Variants in LSAMP observed in about 807,000 individuals in gnomAD.
LSAMP encodes the protein limbic system-associated membrane protein.
LSAMP carries 7 observed loss-of-function variants against 38.6 expected under a neutral mutation model. The ratio of observed to expected loss-of-function variants is 0.18; its 90% CI spans 0.10 to 0.34. LSAMP has a LOEUF of 0.34. Ranked by LOEUF, LSAMP falls within the 10% of genes least tolerant of loss-of-function variation. The pLI, the probability that LSAMP is intolerant of heterozygous loss-of-function variation, is 1.00. For synonymous variants in LSAMP, 154 were observed against 166.8 expected (o/e 0.92, Z 0.59); for missense variants, 313 against 420.0 (o/e 0.75, Z 2.23).
chr3:115,820,837 A>G (rs879529084), intron 6 of LSAMP, among the ~76,000 whole-genome samples: 6 of 152,214 alleles, frequency 3.9e-5, no homozygotes, highest in East Asian at 3.8e-4. Context: ...TTTTCTTTTT[A>G]GAACCACGGT....
At chr3:115,887,191 T>C (rs1936476632) in intron 3 of LSAMP, among the ~76,000 whole-genome samples, 1 of 151,932 alleles carries the variant, frequency 6.6e-6, no homozygotes. Flanking sequence ...AAGTGACTCT[T>C]AATACTTTCT....
chr3:116,326,656 C>A (rs151117233), intron 1 of LSAMP, among the ~76,000 whole-genome samples: 12 of 152,134 alleles, frequency 7.9e-5, no homozygotes, highest in Non-Finnish European at 8.8e-5. Context: ...CAGTTGATAC[C>A]ATTTTTCTCA....
At position 115,803,370 on chromosome 3, in the gene LSAMP, A is replaced by G. The variant is rs923523921; in HGVS notation, c.*6947T>C. Reference sequence around the variant, plus strand: ...CTGATGCCTTCTGTTCTTTCAGACAATAAAATCAAAGGACAACTTTGGATA... The same window carrying G: ...CTGATGCCTTCTGTTCTTTCAGACAGTAAAATCAAAGGACAACTTTGGATA... On this transcript the variant is annotated 3_prime_UTR_variant, in exon 7 of 7. Coordinates refer to ENST00000490035, the MANE Select transcript of LSAMP (RefSeq NM_002338.5). 1 of 152,228 alleles carries G rather than the reference A, an allele frequency of 6.6e-6. No individual in the cohort carries two copies. The allele number at this position is 152,228 out of a possible 1,614,324, so 9.4% of individuals were successfully genotyped here.
Position 115,838,728 on chromosome 3 carries a change from G to A in LSAMP, c.919+3117C>T, listed in dbSNP as rs550040929. The stretch of plus-strand genomic sequence containing the variant: ...AGGAAAAATTTACTATGAATACAAT[G>A]TATTCTTACACCCTCATTCCATGAT... On this transcript the variant is annotated intron_variant, in intron 6 of 6. Transcript: ENST00000490035. Among the ~76,000 whole-genome samples, 17 of 152,284 alleles carry A rather than the reference G, an allele frequency of 1.1e-4. No individual in the cohort carries two copies. In the South Asian group the frequency reaches 2.7e-3, roughly 24 times the overall value.
chr3:116,290,762 AATAATAATAAT>A (rs2047255564), intron 1 of LSAMP, among the ~76,000 whole-genome samples: 11 of 148,420 alleles, frequency 7.4e-5, no homozygotes, highest in African/African-American at 1.2e-4. Flanking sequence ...TAATAATAAT[AATAATAATAAT>A]AAAATAAACT....
chr3:115,881,036 A>AT (rs1936307542), intron 3 of LSAMP, among the ~76,000 whole-genome samples: 1 of 147,954 alleles, frequency 6.8e-6, no homozygotes, highest in South Asian at 2.1e-4. Context: ...ACTCTGTCTC[A>AT]AAAATAAATA....
At position 116,298,544 on chromosome 3, in the gene LSAMP, G is replaced by T. The variant is rs551157441; in HGVS notation, c.155+146333C>A. On this transcript the variant is annotated intron_variant, in intron 1 of 6. Coordinates refer to ENST00000490035, the MANE Select transcript of LSAMP (RefSeq NM_002338.5). ...GGATCTTGGACAATATTGTTCAGTAGAAAATGTATTTCTGTGGTCTCTTAT... is the reference window on the plus strand; with the variant it reads ...GGATCTTGGACAATATTGTTCAGTATAAAATGTATTTCTGTGGTCTCTTAT... Among the ~76,000 whole-genome samples, 25 of 152,242 alleles carry T rather than the reference G, an allele frequency of 1.6e-4. No homozygotes were observed. In the South Asian group the frequency reaches 4.8e-3, roughly 29 times the overall value.
intron 1 of LSAMP, among the ~76,000 whole-genome samples, chr3:116,243,157 C>CT (rs1379701686): frequency 6.6e-6 from 1 of 152,166 alleles, no homozygotes; most frequent in Non-Finnish European, 1.5e-5. Flanking sequence ...CAATGCACGT[C>CT]TGTCCTGGGG....
intron 3 of LSAMP, among the ~76,000 whole-genome samples, chr3:115,897,562 G>A (rs1471370113): frequency 1.3e-5 from 2 of 152,112 alleles, no homozygotes; most frequent in Non-Finnish European, 2.9e-5. Context: ...GAAAGATAAA[G>A]TCTATAGAAA....
At chr3:116,288,800 C>T (rs994348834) in intron 1 of LSAMP, among the ~76,000 whole-genome samples, 2 of 152,136 alleles carry the variant, frequency 1.3e-5, no homozygotes, top group Non-Finnish European at 2.9e-5. Flanking sequence ...ATAAGGGGAC[C>T]TCAAACAATA....
chr3:116,334,690 T>C (rs1468845411), intron 1 of LSAMP, among the ~76,000 whole-genome samples: 2 of 152,036 alleles, frequency 1.3e-5, no homozygotes, highest in East Asian at 3.9e-4. Flanking sequence ...GTTTACAAAA[T>C]TGAACACCCT....
chr3:116,110,782 C>T lies in LSAMP; in HGVS notation c.156-24226G>A, dbSNP rs574174199. 1.1e-4 allele frequency among the ~76,000 whole-genome samples: 16 copies of T among 152,200 alleles called. No homozygotes were observed. In the South Asian group the frequency reaches 1.9e-3, roughly 18 times the overall value. On this transcript the variant is annotated intron_variant, in intron 1 of 6. Transcript: ENST00000490035. ...ATCTCCCAAGGGAGGTCCCCCGATC[C>T]GAGTCATGGCACCAAATTTCATGCG...
chr3:116,395,388 G>A (rs978694721), intron 1 of LSAMP, among the ~76,000 whole-genome samples: 5 of 152,190 alleles, frequency 3.3e-5, no homozygotes, highest in Admixed American at 6.5e-5. Context: ...TTCAAAGTAA[G>A]TATAGCTTGA....
intron 2 of LSAMP, among the ~76,000 whole-genome samples, chr3:116,033,718 T>A (rs1298269283): frequency 6.6e-6 from 1 of 152,056 alleles, no homozygotes. Context: ...ACATGATGTG[T>A]CCACTGACCC....
chr3:115,859,561 G>A (rs1935613589), intron 3 of LSAMP, among the ~76,000 whole-genome samples: 1 of 152,180 alleles, frequency 6.6e-6, no homozygotes, highest in Admixed American at 6.5e-5. Context: ...ACAACAGGGG[G>A]TGGATTATGC....
At chr3:116,358,904 T>C (rs2048264005) in intron 1 of LSAMP, among the ~76,000 whole-genome samples, 1 of 152,212 alleles carries the variant, frequency 6.6e-6, no homozygotes, top group Non-Finnish European at 1.5e-5. Flanking sequence ...TGTAATAATA[T>C]AGAGTACAAA....
intron 1 of LSAMP, among the ~76,000 whole-genome samples, chr3:116,296,766 T>C (rs1333361982): frequency 3.9e-5 from 5 of 127,832 alleles, no homozygotes; most frequent in Admixed American, 8.1e-5. Flanking sequence ...CTATGGGTAA[T>C]ACATTATACC....
intron 1 of LSAMP, among the ~76,000 whole-genome samples, chr3:116,240,612 C>T (rs2046520064): frequency 1.3e-5 from 2 of 152,130 alleles, no homozygotes; most frequent in Admixed American, 1.3e-4. Context: ...GAAAAATGAT[C>T]CATATAGCTA....
At chr3:116,074,802 C>A (rs1707697351) in intron 2 of LSAMP, among the ~76,000 whole-genome samples, 1 of 149,992 alleles carries the variant, frequency 6.7e-6, no homozygotes, top group African/African-American at 2.5e-5. Flanking sequence ...TGTAAATTGG[C>A]AATTTATGTC....
Sources: gnomAD v4.1 joint callset for allele counts (sites outside exome capture counted in the v4.1 genomes callset) on GRCh38, gnomAD v4.1.1 for gene constraint, MANE v1.5 for transcripts, NCBI Gene and HGNC (gene_info 2026-07-23, HGNC 2026-07-21) for gene names.